The following CCDC18 variants were observed in gnomAD, a reference collection of about 807,000 sequenced individuals.
CCDC18 encodes the protein coiled-coil domain-containing protein 18.
In CCDC18, 157 loss-of-function variants were observed where a neutral mutation model predicts 196.0. The observed-to-expected ratio is 0.80, with a 90% CI of 0.70 to 0.91. The LOEUF is 0.91. Among genes scored for constraint, CCDC18 ranks in the 40% least tolerant of loss-of-function variants. The pLI is 0.00. For synonymous variants in CCDC18, 482 were observed against 529.2 expected (o/e 0.91, Z 1.22); for missense variants, 1,465 against 1,611.6 (o/e 0.91, Z 1.56).
intron 24 of CCDC18, among the ~76,000 whole-genome samples, chr1:93,255,072 C>A (rs1243868148): frequency 6.7e-6 from 1 of 149,802 alleles, no homozygotes; most frequent in Admixed American, 6.7e-5. Flanking sequence ...CCTGCCTCAG[C>A]CTCCCAAGTA....
intron 21 of CCDC18, 62 bp downstream of exon 21, chr1:93,239,958 T>A: frequency 8.7e-7 from 1 of 1,151,566 alleles, no homozygotes; most frequent in Non-Finnish European, 1.3e-6. Context: ...CAATAAAATA[T>A]GTTGTTGCAT....
Position 93,212,225 on chromosome 1 carries a change from GA to G in CCDC18, c.1462del (p.Thr488GlnfsTer4). 6.2e-7 allele frequency: 1 copy of G among 1,605,604 alleles called. No individual in the cohort carries two copies. Among genetic ancestry groups the G allele is most frequent in the Non-Finnish European group, 8.5e-7 (1 of 1,177,098 alleles). Reference protein sequence around the residue: ...SQESSKLSSLETEPVKLGGHQ... With the variant: ...SQESSKLSSLXTEPVKLGGHQ... ...AGAAAGTAGCAAATTAAGTAGTTTAGAAACAGAACCTGTAAAGCTAGGTGGT... is the reference window on the plus strand; with the variant it reads ...AGAAAGTAGCAAATTAAGTAGTTTAGAACAGAACCTGTAAAGCTAGGTGGT... On this transcript the variant is annotated frameshift_variant, in exon 11 of 29. Transcript: ENST00000690025. LOFTEE classifies it high-confidence loss of function.
In CCDC18 at chr1:93,264,919, A is replaced by T; in HGVS notation, c.3885+18A>T. The T allele has an allele frequency of 6.6e-7, 1 of 1,504,124 alleles. No individual in the cohort carries two copies. The highest frequency in any genetic ancestry group is 9.3e-7 in the Non-Finnish European group (1 of 1,080,810). 93.2% of individuals were successfully genotyped at this position (1,504,124 alleles called of 1,614,324 possible). On this transcript the variant is annotated intron_variant, in intron 27 of 28. Coordinates refer to ENST00000690025, the MANE Select transcript of CCDC18 (RefSeq NM_001378204.1). ...TTACTAAAGTAAGTAAACATATAAAAGTAATAAAGCATATCTATGAAAACA... is the reference window on the plus strand; with the variant it reads ...TTACTAAAGTAAGTAAACATATAAATGTAATAAAGCATATCTATGAAAACA...
chr1:93,200,449 C>T (rs951434578), intron 6 of CCDC18, among the ~76,000 whole-genome samples: 2 of 151,850 alleles, frequency 1.3e-5, no homozygotes, highest in East Asian at 1.9e-4. Flanking sequence ...AAGACCAGCC[C>T]GGGCAAAATA....
chr1:93,190,218 G>A (rs542361693), intron 4 of CCDC18, among the ~76,000 whole-genome samples: 1 of 152,206 alleles, frequency 6.6e-6, no homozygotes, highest in African/African-American at 2.4e-5. Context: ...GGCCGGGCAC[G>A]GCGGCTCACG....
chr1:93,197,994 G>T (rs148785783), intron 6 of CCDC18, among the ~76,000 whole-genome samples: 3 of 151,774 alleles, frequency 2.0e-5, no homozygotes, highest in Non-Finnish European at 2.9e-5. Flanking sequence ...CTCGTGATCC[G>T]CCCGCCTTGG....
At chr1:93,275,162 G>C (rs1438590533) in intron 28 of CCDC18, among the ~76,000 whole-genome samples, 1 of 152,148 alleles carries the variant, frequency 6.6e-6, no homozygotes, top group Non-Finnish European at 1.5e-5. Flanking sequence ...CCAGGCTGGA[G>C]TGTAGTGGCA....
chr1:93,206,354 A>C (rs181912531), intron 8 of CCDC18, among the ~76,000 whole-genome samples: 2 of 152,270 alleles, frequency 1.3e-5, no homozygotes, highest in Admixed American at 6.5e-5. Context: ...TTAAGAAAGA[A>C]AGATGCTGCC....
Position 93,183,498 on chromosome 1 carries a change from A to G in CCDC18, c.134+3A>G, listed in dbSNP as rs560472131. On this transcript the variant is annotated splice_donor_region_variant and intron_variant, in intron 2 of 28. Coordinates refer to ENST00000690025, the MANE Select transcript of CCDC18 (RefSeq NM_001378204.1). ...AGTTTAGGGGAAGAGTTATCCAGGT[A>G]AGTAAGTAAAATCACATATAGAATT... 85 of 1,578,646 alleles carry G rather than the reference A, an allele frequency of 5.4e-5. 1 individual carries two copies. The South Asian group carries it at 9.0e-4, about 17-fold the overall frequency.
At chr1:93,231,967 G>GA (rs1249256237) in intron 17 of CCDC18, among the ~76,000 whole-genome samples, 5 of 152,216 alleles carry the variant, frequency 3.3e-5, no homozygotes, top group African/African-American at 1.2e-4. Flanking sequence ...CTCCTTCTGG[G>GA]AGAGGTCAGA....
intron 19 of CCDC18, among the ~76,000 whole-genome samples, chr1:93,238,183 C>G (rs1660303666): frequency 6.6e-6 from 1 of 152,090 alleles, no homozygotes. Context: ...TTTGATTATT[C>G]TTTTCTAATT....
chr1:93,240,523 A>G lies in CCDC18; in HGVS notation c.2981+627A>G, dbSNP rs377042445. 4.6e-5 allele frequency among the ~76,000 whole-genome samples: 7 copies of G among 152,322 alleles called. No individual in the cohort carries two copies. The East Asian group carries it at 7.7e-4, about 17-fold the overall frequency. Reference sequence around the variant, plus strand: ...AAATAGGTTCAGAAAAGGAAAATAGAATTACAAATTAGGATGTAAAATGTG... The same window carrying G: ...AAATAGGTTCAGAAAAGGAAAATAGGATTACAAATTAGGATGTAAAATGTG... On this transcript the variant is annotated intron_variant, in intron 21 of 28. Coordinates refer to ENST00000690025, the MANE Select transcript of CCDC18 (RefSeq NM_001378204.1).
At chr1:93,194,200 T>C (rs1652325046) in intron 6 of CCDC18, among the ~76,000 whole-genome samples, 3 of 152,158 alleles carry the variant, frequency 2.0e-5, no homozygotes, top group Admixed American at 1.3e-4. Context: ...TTTAGAAATA[T>C]ATAAATAGTA....
At chr1:93,220,589 G>A (rs1444974698) in intron 14 of CCDC18, among the ~76,000 whole-genome samples, 1 of 152,130 alleles carries the variant, frequency 6.6e-6, no homozygotes, top group Non-Finnish European at 1.5e-5. Flanking sequence ...GAGGGGTAAA[G>A]GGGTCTATAT....
rs1557596421 is a variant in CCDC18 at position 93,186,408 on chromosome 1, CTT to C, written c.368_369del (p.Leu123GlnfsTer17). 6.2e-7 allele frequency: 1 copy of C among 1,612,164 alleles called. No homozygotes were observed. ...IKSLREKLNKLRQQNACLVTQ... is the reference protein window; with the variant it reads ...IKSLREKLNKXRQQNACLVTQ... ...AAGCCTTCGAGAGAAACTAAATAAA[CTT>C]AGGCAACAGAATGCTTGTTTGGTCA... On this transcript the variant is annotated frameshift_variant, in exon 4 of 29. Transcript: ENST00000690025. LOFTEE classifies it high-confidence loss of function.
At chr1:93,240,583 C>A (rs1029213136) in intron 21 of CCDC18, among the ~76,000 whole-genome samples, 2 of 152,140 alleles carry the variant, frequency 1.3e-5, no homozygotes, top group African/African-American at 2.4e-5. Flanking sequence ...AGCAAGATAA[C>A]CCAGAAACTT....
upstream of CCDC18, chr1:93,180,208 A>C (rs142387027): frequency 5.6e-6 from 9 of 1,612,846 alleles, no homozygotes; most frequent in Non-Finnish European, 6.8e-6. Flanking sequence ...GGCCAGAAGG[A>C]GCACGGGGAA....
intron 14 of CCDC18, among the ~76,000 whole-genome samples, chr1:93,218,289 A>G (rs754229278): frequency 6.6e-6 from 1 of 152,222 alleles, no homozygotes; most frequent in Non-Finnish European, 1.5e-5. Flanking sequence ...ACATTCCAAG[A>G]CCTTCAGTGA....
intron 9 of CCDC18, among the ~76,000 whole-genome samples, chr1:93,208,781 C>G (rs1655139673): frequency 6.6e-6 from 1 of 152,134 alleles, no homozygotes; most frequent in Non-Finnish European, 1.5e-5. Context: ...ATTTTCCTGC[C>G]TTATCCTCCC....
Sources: gnomAD v4.1 joint callset for allele counts (sites outside exome capture counted in the v4.1 genomes callset) on GRCh38, gnomAD v4.1.1 for gene constraint, MANE v1.5 for transcripts, NCBI Gene and HGNC (gene_info 2026-07-23, HGNC 2026-07-21) for gene names.